The following TFAP2B variants were observed in gnomAD, a reference collection of about 807,000 sequenced individuals.
TFAP2B encodes transcription factor AP-2-beta.
TFAP2B carries 9 observed loss-of-function variants against 44.3 expected under a neutral mutation model. The ratio of observed to expected loss-of-function variants is 0.20; its 90% CI spans 0.12 to 0.35. The LOEUF (loss-of-function observed/expected upper bound fraction) is 0.35. Ranked by LOEUF, TFAP2B falls within the 10% of genes least tolerant of loss-of-function variation. The pLI is 1.00. For missense variants in TFAP2B, 509 were observed against 600.0 expected (o/e 0.85, Z 1.59); for synonymous variants, 270 against 263.8 (o/e 1.02, Z -0.23).
At chr6:50,827,604 C>G in intron 2 of TFAP2B, among the ~76,000 whole-genome samples, 1 of 152,176 alleles carries the variant, frequency 6.6e-6, no homozygotes, top group Non-Finnish European at 1.5e-5. Flanking sequence ...TTGCTTTTTA[C>G]TTCTCTATAA....
intron 1 of TFAP2B, among the ~76,000 whole-genome samples, chr6:50,821,044 G>A (rs184407983): frequency 1.6e-4 from 25 of 152,288 alleles, no homozygotes; most frequent in African/African-American, 6.0e-4. Context: ...TCGGTGGAAG[G>A]AGCCTATTTA....
chr6:50,840,891 T>G (rs1762713463), intron 6 of TFAP2B, among the ~76,000 whole-genome samples: 1 of 152,224 alleles, frequency 6.6e-6, no homozygotes, highest in South Asian at 2.1e-4. Context: ...GGCTTCGGTG[T>G]CATATTGTTG....
chr6:50,826,312 C>T (rs919432426), intron 2 of TFAP2B, among the ~76,000 whole-genome samples: 9 of 152,172 alleles, frequency 5.9e-5, no homozygotes, highest in Admixed American at 2.0e-4. Context: ...AGGGAGCTGG[C>T]AGACACTGAG....
intron 1 of TFAP2B, 130 bp downstream of exon 1, chr6:50,819,102 T>A: frequency 1.1e-6 from 1 of 928,914 alleles, no homozygotes; most frequent in Non-Finnish European, 1.7e-6. Context: ...CAGCTTTTTT[T>A]AACTTTTAGA....
intron 1 of TFAP2B, among the ~76,000 whole-genome samples, chr6:50,819,859 CG>C (rs1770282880): frequency 6.9e-6 from 1 of 144,762 alleles, no homozygotes; most frequent in South Asian, 2.2e-4. Context: ...GTGGGAGAGG[CG>C]GGCGAGGTGG....
chr6:50,823,607 C>T lies in TFAP2B; in HGVS notation c.282C>T (p.Ser94=). 1.2e-6 allele frequency: 2 copies of T among 1,614,168 alleles called. No individual in the cohort carries two copies. Among genetic ancestry groups the T allele is most frequent in the Non-Finnish European group, 8.5e-7 (1 of 1,180,012 alleles). Residue 94 remains serine (S), a synonymous_variant, in exon 2 of 7, where the codon TCC becomes TCT. Coordinates refer to ENST00000393655, the MANE Select transcript of TFAP2B (RefSeq NM_003221.4). The part of the protein sequence containing the change: ...DPYSHVNDPY[S]LNPLHQPQQH... ...ACTCCCACGTCAACGACCCCTACTC[C>T]CTGAACCCACTGCACCAGCCCCAGC...
chr6:50,833,331 T>C (rs1762552235), intron 3 of TFAP2B, among the ~76,000 whole-genome samples: 1 of 152,110 alleles, frequency 6.6e-6, no homozygotes, highest in Non-Finnish European at 1.5e-5. Context: ...TAGATTATGA[T>C]GGAGTTATGG....
chr6:50,840,240 G>C lies in TFAP2B; in HGVS notation c.1025G>C (p.Arg342Pro), dbSNP rs372031178. ...PAKAVSEYLN[R>P]QHTDPSDLHS... Reference sequence around the variant, plus strand: ...AAAGCCGTCTCTGAGTATTTGAACCGGCAGCACACAGACCCGAGTGACCTG... The same window carrying C: ...AAAGCCGTCTCTGAGTATTTGAACCCGCAGCACACAGACCCGAGTGACCTG... Residue 342 changes from arginine to proline, a missense_variant, in exon 6 of 7, where the codon CGG becomes CCG. Physicochemically the swap from Arg to Pro is moderately radical, Grantham distance 103. Coordinates refer to ENST00000393655, the MANE Select transcript of TFAP2B (RefSeq NM_003221.4). 1.2e-6 allele frequency: 2 copies of C among 1,614,000 alleles called. No individual in the cohort carries two copies. The highest frequency in any genetic ancestry group is 1.7e-6 in the Non-Finnish European group (2 of 1,180,034).
chr6:50,828,775 AG>A, intron 3 of TFAP2B, 96 bp downstream of exon 3: 1 of 1,397,706 alleles, frequency 7.2e-7, no homozygotes, highest in Non-Finnish European at 1.0e-6. Flanking sequence ...TTATTTGACA[AG>A]ACATAAATGT....
intron 1 of TFAP2B, chr6:50,821,991 ATTTT>A (rs60274376): frequency 1.8e-3 from 400 of 217,514 alleles, no homozygotes; most frequent in Middle Eastern, 3.9e-3. Context: ...GGCGGGTGTA[ATTTT>A]TTTTTTTTTT....
At chr6:50,831,989 CT>C (rs1762506415) in intron 3 of TFAP2B, among the ~76,000 whole-genome samples, 1 of 152,184 alleles carries the variant, frequency 6.6e-6, no homozygotes, top group African/African-American at 2.4e-5. Context: ...CACATAAACA[CT>C]TTGACTGGTG....
chr6:50,837,721 T>C (rs1762649890), intron 4 of TFAP2B, among the ~76,000 whole-genome samples: 1 of 151,902 alleles, frequency 6.6e-6, no homozygotes, highest in Admixed American at 6.6e-5. Flanking sequence ...ACCTAATTAT[T>C]CCCATCTGGT....
At chr6:50,842,968 T>C in intron 6 of TFAP2B, 124 bp from the exon 7 acceptor site, 1 of 1,290,182 alleles carries the variant, frequency 7.8e-7, no homozygotes, top group East Asian at 2.3e-5. Flanking sequence ...CAGAGCGGAA[T>C]CGCCCACATT....
intron 3 of TFAP2B, among the ~76,000 whole-genome samples, chr6:50,834,386 G>A (rs1429008482): frequency 1.3e-5 from 2 of 152,182 alleles, no homozygotes; most frequent in African/African-American, 2.4e-5. Context: ...AAGGTCTTGG[G>A]CTCTGTGGAC....
rs930466246 is a variant in TFAP2B, at chr6:50,833,685, C to T, written c.602-2376C>T. On this transcript the variant is annotated intron_variant, in intron 3 of 6. Coordinates refer to ENST00000393655, the MANE Select transcript of TFAP2B (RefSeq NM_003221.4). ...ATTCCCCAAAGGAAATAGCTCTTGTCGGGTGAATCAGGCAATTAACAATAG... is the reference window on the plus strand; with the variant it reads ...ATTCCCCAAAGGAAATAGCTCTTGTTGGGTGAATCAGGCAATTAACAATAG... Among the ~76,000 whole-genome samples, 9 of 152,172 alleles carry T rather than the reference C, an allele frequency of 5.9e-5. 1 individual carries two copies. The highest frequency in any genetic ancestry group is 3.3e-4 in the Admixed American group (5 of 15,284).
chr6:50,840,029 C>G, intron 5 of TFAP2B, 127 bp from the exon 6 acceptor site: 1 of 1,251,358 alleles, frequency 8.0e-7, no homozygotes. Context: ...GCATCTCTCA[C>G]CTTTGCTTTT....
intron 6 of TFAP2B, 56 bp downstream of exon 6, chr6:50,840,353 ACT>A: frequency 6.2e-7 from 1 of 1,603,178 alleles, no homozygotes; most frequent in Non-Finnish European, 8.5e-7. Flanking sequence ...AGGCCACCCG[ACT>A]TTGGAGTAGG....
intron 2 of TFAP2B, among the ~76,000 whole-genome samples, chr6:50,825,875 AG>A (rs778863467): frequency 2.6e-5 from 4 of 152,118 alleles, no homozygotes; most frequent in Non-Finnish European, 5.9e-5. Flanking sequence ...CTATAGTGCA[AG>A]GGACACACCC....
In TFAP2B at chr6:50,833,600, G is replaced by A. The variant is rs184152850; in HGVS notation, c.602-2461G>A. On this transcript the variant is annotated intron_variant, in intron 3 of 6. Coordinates refer to ENST00000393655, the MANE Select transcript of TFAP2B (RefSeq NM_003221.4). ...CTGACAGAAGCTGATTGGATTGGGG[G>A]TATGCAGGTGATAATGTATATGCAG... Among the ~76,000 whole-genome samples, 5 of 152,296 alleles carry A rather than the reference G, an allele frequency of 3.3e-5. No individual in the cohort carries two copies. In the South Asian group the frequency reaches 1.0e-3, roughly 32 times the overall value.
Sources: allele counts gnomAD v4.1 joint callset (sites outside exome capture counted in the v4.1 genomes callset), GRCh38; gene constraint gnomAD v4.1.1; transcripts MANE v1.5; gene names NCBI Gene and HGNC (gene_info 2026-07-23, HGNC 2026-07-21).